Variants in PRADC1 observed in about 807,000 individuals in gnomAD.
The protein encoded by PRADC1 is protease associated domain containing 1.
In PRADC1, 23 loss-of-function variants were observed where a neutral mutation model predicts 22.9. That is an observed-to-expected ratio of 1.00 (90% CI 0.72 to 1.42). The LOEUF (loss-of-function observed/expected upper bound fraction) is 1.42, where lower values mean the gene tolerates loss of function less well. Ranked by LOEUF, PRADC1 falls within the 40% of genes most tolerant of loss-of-function variation. PRADC1 has a pLI of 0.00. For missense variants in PRADC1, 207 were observed against 258.3 expected, an observed-to-expected ratio of 0.80 and a Z score of 1.36; for synonymous variants, 71 against 100.3, an observed-to-expected ratio of 0.71 and a Z score of 1.75.
At chr2:73,229,609 T>G in intron 2 of PRADC1, 39 bp from the exon 3 acceptor site, 3 of 1,484,480 alleles carry the variant, frequency 2.0e-6, no homozygotes, top group Non-Finnish European at 2.8e-6. Flanking sequence ...GAGAGTGTAA[T>G]GAGACACACC....
At chr2:73,229,831 C>A in intron 2 of PRADC1, 1 of 586,972 alleles carries the variant, frequency 1.7e-6, no homozygotes, top group Non-Finnish European at 3.0e-6. Flanking sequence ...TGCCTTAAGT[C>A]ACATAGTTCA....
chr2:73,231,084 T>G (rs189650597), intron 1 of PRADC1, among the ~76,000 whole-genome samples: 2 of 152,380 alleles, frequency 1.3e-5, no homozygotes, highest in East Asian at 3.9e-4. Flanking sequence ...ATGGGGACTT[T>G]CAACATAATT....
At chr2:73,229,910 G>C in intron 2 of PRADC1, 1 of 591,412 alleles carries the variant, frequency 1.7e-6, no homozygotes. Context: ...AAGACAACTT[G>C]TCCCTCCATG....
chr2:73,229,183 C>T (rs1179654412), intron 3 of PRADC1, among the ~76,000 whole-genome samples: 2 of 151,658 alleles, frequency 1.3e-5, no homozygotes, highest in Non-Finnish European at 2.9e-5. Context: ...AGTGCAGTGA[C>T]GTGATCTCGG....
intron 1 of PRADC1, among the ~76,000 whole-genome samples, chr2:73,232,596 C>T (rs893799027): frequency 1.3e-5 from 2 of 152,200 alleles, no homozygotes; most frequent in Non-Finnish European, 2.9e-5. Flanking sequence ...TCCCTCCTCC[C>T]CAACCCTTGC....
chr2:73,230,324 C>T, intron 1 of PRADC1, 111 bp from the exon 2 acceptor site: 1 of 758,688 alleles, frequency 1.3e-6, no homozygotes, highest in Non-Finnish European at 2.3e-6. Context: ...GCTCAGGGTC[C>T]TGGCTTCAGC....
rs1240032572 is a variant in PRADC1 at position 73,230,116 on chromosome 2, G to A, written c.165C>T (p.Ile55=). 6.2e-7 allele frequency: 1 copy of A among 1,609,774 alleles called. No homozygotes were observed. The stretch of plus-strand genomic sequence containing the variant: ...TCAGGGGCCTCCCTTAACTTACAAA[G>A]ATACCACCAAAGTCCTTGGCAGGTG... ...TATPAKDFGG[I]FHTRYEQIHL... is the part of the protein sequence containing the mutation. The change falls in exon 2 of 5, where the codon ATC becomes ATT. Residue 55 remains isoleucine (I), a synonymous_variant. Transcript: ENST00000258083.
chr2:73,228,394 T>G lies in PRADC1; in HGVS notation c.*60A>C. ...ATCTCCAAATTCCAAGTAGCAAAAT[T>G]CCTGGGTTTCCCCTTCCCAGCTCAG... On this transcript the variant is annotated 3_prime_UTR_variant, in exon 5 of 5. Transcript: ENST00000258083. The surrounding 1 kb of genome is among the most constrained non-coding windows in gnomAD (Gnocchi z 4.0). 1 of 1,603,200 alleles carries G rather than the reference T, an allele frequency of 6.2e-7. No individual in the cohort carries two copies. The highest frequency in any genetic ancestry group is 2.2e-5 in the East Asian group (1 of 44,750).
At chr2:73,232,444 G>A (rs1686674030) in intron 1 of PRADC1, among the ~76,000 whole-genome samples, 1 of 152,152 alleles carries the variant, frequency 6.6e-6, no homozygotes, top group African/African-American at 2.4e-5. Context: ...GGCTTTAGCT[G>A]TCTTTGTTTA....
In PRADC1 at chr2:73,233,238, A is replaced by G; in HGVS notation, c.-78T>C. ...GCGTCGCTCGCAGGACTTCAGCCTG[A>G]CAGCTGCTCCGGCCTCCCGCCCACA... is the stretch of plus-strand genomic sequence containing the variant. On this transcript the variant is annotated 5_prime_UTR_variant, in exon 1 of 5. Coordinates refer to ENST00000258083, the MANE Select transcript of PRADC1 (RefSeq NM_032319.3). 1.0e-6 allele frequency: 1 copy of G among 1,002,692 alleles called. No homozygotes were observed. 62.1% of individuals were successfully genotyped at this position (1,002,692 alleles called of 1,614,324 possible).
chr2:73,233,208 G>A lies in PRADC1; in HGVS notation c.-48C>T. On this transcript the variant is annotated 5_prime_UTR_variant, in exon 1 of 5. Coordinates refer to ENST00000258083, the MANE Select transcript of PRADC1 (RefSeq NM_032319.3). ...GCGCCGCGTTTCCTCTCGCCGCCCC[G>A]CCGCGCGTCGCTCGCAGGACTTCAG... The A allele has an allele frequency of 2.4e-6, 3 of 1,232,858 alleles. No homozygotes were observed. Among genetic ancestry groups the A allele is most frequent in the Admixed American group, 4.0e-5 (1 of 24,980 alleles). The allele number at this position is 1,232,858 out of a possible 1,614,324, so 76.4% of individuals were successfully genotyped here.
Position 73,228,680 on chromosome 2 carries a change from C to T in PRADC1, c.447-106G>A, listed in dbSNP as rs538017879. 1.7e-4 allele frequency: 274 copies of T among 1,589,582 alleles called. No individual in the cohort carries two copies. The South Asian group carries it at 2.9e-3, about 17-fold the overall frequency. On this transcript the variant is annotated intron_variant, in intron 4 of 4. Coordinates refer to ENST00000258083, the MANE Select transcript of PRADC1 (RefSeq NM_032319.3). The surrounding 1 kb of genome is among the most constrained non-coding windows in gnomAD (Gnocchi z 4.0). Reference sequence around the variant, plus strand: ...TTCCAAAGCCCGAGATCTTTTTTTGCCCTCTAACTGAAGCACCCCAAGTTG... The same window carrying T: ...TTCCAAAGCCCGAGATCTTTTTTTGTCCTCTAACTGAAGCACCCCAAGTTG...
Position 73,228,894 on chromosome 2 carries a change from T to G in PRADC1, c.347A>C (p.Asp116Ala), listed in dbSNP as rs1338564870. 6.2e-7 allele frequency: 1 copy of G among 1,613,682 alleles called. No individual in the cohort carries two copies. The highest frequency in any genetic ancestry group is 1.3e-5 in the African/African-American group (1 of 74,986). ...GAAGCTGTCATTGTCAACTGCGTTG[T>G]CAGAGATGATCACCGCCCGCCCGCC... ...EHGGRAVIIS[D>A]NAVDNDSFYV... Residue 116 changes from aspartate (D) to alanine (A), a missense_variant, in exon 4 of 5, where the codon GAC (aspartate) becomes GCC (alanine). By Grantham distance (126) the Asp-to-Ala change is moderately radical (BLOSUM62 -2). Coordinates refer to ENST00000258083, the MANE Select transcript of PRADC1 (RefSeq NM_032319.3). This position sits in a 1 kb window ranked among gnomAD's most constrained non-coding sequence, Gnocchi z 4.0.
In PRADC1 at chr2:73,229,376, A is replaced by G. The variant is rs1686583690; in HGVS notation, c.278+85T>C. On this transcript the variant is annotated intron_variant, in intron 3 of 4. Transcript: ENST00000258083. ...TTAAAAAGATGAAATTTTCAAAAAC[A>G]GCTCTTTCAAAGCACTACTACCAAT... 4 of 942,868 alleles carry G rather than the reference A, an allele frequency of 4.2e-6. No homozygotes were observed. The South Asian group carries it at 5.3e-5, about 13-fold the overall frequency. 58.4% of individuals were successfully genotyped at this position (942,868 alleles called of 1,614,324 possible). A position where few individuals can be genotyped will look rare whatever the true frequency, so the allele number is the denominator to read the frequency against.
chr2:73,232,987 C>G (rs1456004507), intron 1 of PRADC1, 107 bp downstream of exon 1: 2 of 1,345,612 alleles, frequency 1.5e-6, no homozygotes, highest in Non-Finnish European at 2.0e-6. Flanking sequence ...CTGTCCTGCT[C>G]TGAACTCGCA....
chr2:73,228,727 T>C lies in PRADC1; in HGVS notation c.446+68A>G. On this transcript the variant is annotated intron_variant, in intron 4 of 4. Coordinates refer to ENST00000258083, the MANE Select transcript of PRADC1 (RefSeq NM_032319.3). This position sits in a 1 kb window ranked among gnomAD's most constrained non-coding sequence, Gnocchi z 4.0. ...GTTGAGGCCTGCAAGAAGGGACTGG[T>C]GATTACCCCTGACCCAGTCATGGCG... 1 of 1,584,754 alleles carries C rather than the reference T, an allele frequency of 6.3e-7. No individual in the cohort carries two copies. Among genetic ancestry groups the C allele is most frequent in the African/African-American group, 1.3e-5 (1 of 74,352 alleles).
Position 73,228,957 on chromosome 2 carries a change from C to G in PRADC1, c.284G>C (p.Cys95Ser). The G allele has an allele frequency of 6.2e-7, 1 of 1,613,766 alleles. No homozygotes were observed. Among genetic ancestry groups the G allele is most frequent in the Non-Finnish European group, 8.5e-7 (1 of 1,179,948 alleles). Residue 95 changes from cysteine to serine, a missense_variant, in exon 4 of 5, where the codon TGC becomes TCC. Physicochemically the swap from Cys to Ser is moderately radical, Grantham distance 112. Coordinates refer to ENST00000258083, the MANE Select transcript of PRADC1 (RefSeq NM_032319.3). The surrounding 1 kb of genome is among the most constrained non-coding windows in gnomAD (Gnocchi z 4.0). The stretch of plus-strand genomic sequence containing the variant: ...CACCCGAGTCTTGGAGAGGAAGGAG[C>G]AGCCCCTGGAAGAGGTGGTGATAAG... Reference protein sequence around the residue: ...DQIALVERGGCSFLSKTRVVQ... With the variant: ...DQIALVERGGSSFLSKTRVVQ...
Position 73,229,456 on chromosome 2 carries a change from C to G in PRADC1, c.278+5G>C. The G allele has an allele frequency of 6.2e-7, 1 of 1,608,566 alleles. No homozygotes were observed. On this transcript the variant is annotated splice_donor_5th_base_variant and intron_variant, in intron 3 of 4. Coordinates refer to ENST00000258083, the MANE Select transcript of PRADC1 (RefSeq NM_032319.3). Reference sequence around the variant, plus strand: ...CTCCTCGTGTCCTGCCTGCCCACTCCTTACCCCCTCTCCACCAGAGCAATC... The same window carrying G: ...CTCCTCGTGTCCTGCCTGCCCACTCGTTACCCCCTCTCCACCAGAGCAATC...
At position 73,230,102 on chromosome 2, in the gene PRADC1, C is replaced by T. The variant is rs1686606977; in HGVS notation, c.168+11G>A. ...TTGAGGATCAGAGATCAGGGGCCTC[C>T]CTTAACTTACAAAGATACCACCAAA... On this transcript the variant is annotated intron_variant, in intron 2 of 4. Coordinates refer to ENST00000258083, the MANE Select transcript of PRADC1 (RefSeq NM_032319.3). 3 of 1,588,054 alleles carry T rather than the reference C, an allele frequency of 1.9e-6. No individual in the cohort carries two copies. The East Asian group carries it at 6.7e-5, about 35-fold the overall frequency.
Sources: allele counts gnomAD v4.1 joint callset (sites outside exome capture counted in the v4.1 genomes callset), GRCh38; gene constraint gnomAD v4.1.1; non-coding constraint Gnocchi (gnomAD v3.1); transcripts MANE v1.5; gene names NCBI Gene and HGNC (gene_info 2026-07-23, HGNC 2026-07-21).